KCNJ5: variants seen among roughly 807,000 people sequenced by gnomAD.
The protein encoded by KCNJ5 is G protein-activated inward rectifier potassium channel 4.
A neutral mutation model predicts 20.2 loss-of-function variants in KCNJ5; 12 were observed. The observed-to-expected ratio is 0.59, with a 90% CI of 0.38 to 0.96. KCNJ5 has a LOEUF of 0.96. Ranked by LOEUF, KCNJ5 falls within the 40% of genes least tolerant of loss-of-function variation. The pLI, the probability that KCNJ5 is intolerant of heterozygous loss-of-function variation, is 0.00. For missense variants in KCNJ5, 449 were observed against 557.6 expected, an observed-to-expected ratio of 0.81 and a Z score of 1.96; for synonymous variants, 210 against 213.9, an observed-to-expected ratio of 0.98 and a Z score of 0.16.
At chr11:128,894,838 AAC>A (rs1944147013) in intron 1 of KCNJ5, among the ~76,000 whole-genome samples, 1 of 152,232 alleles carries the variant, frequency 6.6e-6, no homozygotes, top group Non-Finnish European at 1.5e-5. Context: ...TATTCTAGTC[AAC>A]AGGGCCCAGG....
intron 1 of KCNJ5, among the ~76,000 whole-genome samples, chr11:128,897,256 C>A (rs1028295136): frequency 6.6e-6 from 1 of 152,008 alleles, no homozygotes; most frequent in Non-Finnish European, 1.5e-5. Context: ...TGCCACCATG[C>A]CTGGCTAATT....
intron 1 of KCNJ5, chr11:128,902,438 C>A: frequency 7.5e-7 from 1 of 1,333,390 alleles, no homozygotes. Flanking sequence ...GCACAGGGTG[C>A]CAGTTAGGGA....
chr11:128,907,721 C>T (rs1300813253), intron 1 of KCNJ5, among the ~76,000 whole-genome samples: 2 of 152,174 alleles, frequency 1.3e-5, no homozygotes, highest in African/African-American at 2.4e-5. Context: ...CTAGGATGCT[C>T]AGCTTACCTA....
intron 1 of KCNJ5, among the ~76,000 whole-genome samples, chr11:128,892,890 A>C (rs866298576): frequency 3.3e-5 from 5 of 152,214 alleles, no homozygotes; most frequent in African/African-American, 1.2e-4. Context: ...TCTGTTTTAT[A>C]GATGAGAGTA....
rs903412667 is a variant in KCNJ5 at position 128,902,858 on chromosome 11, G to A, written c.-10-8406G>A. The A allele has an allele frequency of 7.2e-5, 62 of 862,974 alleles. 2 individuals carry two copies. The South Asian group carries it at 8.7e-4, about 12-fold the overall frequency. 53.5% of individuals were successfully genotyped at this position (862,974 alleles called of 1,614,324 possible). A position where few individuals can be genotyped will look rare whatever the true frequency, so the allele number is the denominator to read the frequency against. On this transcript the variant is annotated intron_variant, in intron 1 of 2. Transcript: ENST00000529694. ...CTCCGACTCCCTAGCCCAGAAATAC[G>A]AACCGGCAGCTGACAGACTGAATCT...
Position 128,912,175 on chromosome 11 carries a change from T to A in KCNJ5, c.902T>A (p.Val301Asp), listed in dbSNP as rs1462481036. Residue 301 changes from valine (V) to aspartate (D), a missense_variant, in exon 2 of 3, where the codon GTT (valine) becomes GAT (aspartate). Around this residue, in one of 5 missense-constraint regions of KCNJ5, gnomAD observed 145 missense variants for 166.2 expected, o/e 0.87. Transcript: ENST00000529694. ...CAGCTGCATCAGGAAGAGTTTGAAG[T>A]TGTGGTCATTCTAGAAGGGATGGTG... ...QAQLHQEEFE[V>D]VVILEGMVEA... 1 of 1,606,844 alleles carries A rather than the reference T, an allele frequency of 6.2e-7. No homozygotes were observed. Among genetic ancestry groups the A allele is most frequent in the African/African-American group, 1.3e-5 (1 of 74,916 alleles).
chr11:128,893,445 AT>A (rs1463676197), intron 1 of KCNJ5, among the ~76,000 whole-genome samples: 1 of 152,158 alleles, frequency 6.6e-6, no homozygotes, highest in Non-Finnish European at 1.5e-5. Flanking sequence ...AAAAAAAGAA[AT>A]AAAAAAGAAA....
At chr11:128,898,414 A>T (rs1396663411) in intron 1 of KCNJ5, among the ~76,000 whole-genome samples, 1 of 152,184 alleles carries the variant, frequency 6.6e-6, no homozygotes, top group Non-Finnish European at 1.5e-5. Context: ...TCAGACCTTC[A>T]GTTCTCTTTC....
intron 1 of KCNJ5, among the ~76,000 whole-genome samples, chr11:128,895,686 C>A (rs531256731): frequency 6.6e-6 from 1 of 152,354 alleles, no homozygotes; most frequent in Admixed American, 6.5e-5. Context: ...TCTTCCACAC[C>A]GGGCCTGCCT....
Position 128,918,434 on chromosome 11 carries a change from G to C in KCNJ5, c.*1703G>C, listed in dbSNP as rs1944621456. 1 of 152,298 alleles carries C rather than the reference G, an allele frequency of 6.6e-6. No individual in the cohort carries two copies. Among genetic ancestry groups the C allele is most frequent in the South Asian group, 2.1e-4 (1 of 4,826 alleles). 9.4% of individuals were successfully genotyped at this position (152,298 alleles called of 1,614,324 possible). On this transcript the variant is annotated 3_prime_UTR_variant, in exon 3 of 3. Coordinates refer to ENST00000529694, the MANE Select transcript of KCNJ5 (RefSeq NM_000890.5). The stretch of plus-strand genomic sequence containing the variant: ...AGGGTGGAGGGGGGCAGATTGTCAG[G>C]TCCCGAAATGTGTGTTGACACACAC...
At position 128,891,433 on chromosome 11, in the gene KCNJ5, C is replaced by CAGAGAGAGAGAGAGAGAG. The variant is rs1286900771; in HGVS notation, c.-298_-297insGAGAGAGAGAGAGAGAGA. 5.7e-5 allele frequency: 5 copies of CAGAGAGAGAGAGAGAGAG among 88,390 alleles called. No individual in the cohort carries two copies. Among genetic ancestry groups the CAGAGAGAGAGAGAGAGAG allele is most frequent in the Admixed American group, 2.2e-4 (2 of 9,184 alleles). 5.5% of individuals were successfully genotyped at this position (88,390 alleles called of 1,614,324 possible). On this transcript the variant is annotated 5_prime_UTR_variant, in exon 1 of 3. Coordinates refer to ENST00000529694, the MANE Select transcript of KCNJ5 (RefSeq NM_000890.5). ...ACACACACACACACACACACACACA[C>CAGAGAGAGAGAGAGAGAG]ACACACACAGAGAGAGAGAGAGAGA...
intron 1 of KCNJ5, among the ~76,000 whole-genome samples, chr11:128,892,700 A>T (rs1423494000): frequency 6.6e-6 from 1 of 152,328 alleles, no homozygotes; most frequent in African/African-American, 2.4e-5. Flanking sequence ...TCTCTCCTAT[A>T]TCTGACTCCA....
chr11:128,917,871 C>G lies in KCNJ5; in HGVS notation c.*1140C>G. ...GAGATCGAGACCATCCTGGCTAACA[C>G]GGTGAAACCCCGTCTCTACTGAAAA... is the stretch of plus-strand genomic sequence containing the variant. On this transcript the variant is annotated 3_prime_UTR_variant, in exon 3 of 3. Coordinates refer to ENST00000529694, the MANE Select transcript of KCNJ5 (RefSeq NM_000890.5). 1 of 152,352 alleles carries G rather than the reference C, an allele frequency of 6.6e-6. No homozygotes were observed. Among genetic ancestry groups the G allele is most frequent in the South Asian group, 2.1e-4 (1 of 4,842 alleles). The allele number at this position is 152,352 out of a possible 1,614,324, so 9.4% of individuals were successfully genotyped here.
intron 1 of KCNJ5, chr11:128,902,848 C>G (rs1944313272): frequency 1.0e-6 from 1 of 955,040 alleles, no homozygotes; most frequent in Admixed American, 2.7e-5. Flanking sequence ...ACTCCCTAGC[C>G]CAGAAATACG....
rs753651100 is a variant in KCNJ5, at chr11:128,911,749, A to G, written c.476A>G (p.Glu159Gly). 1.9e-6 allele frequency: 3 copies of G among 1,614,198 alleles called. No homozygotes were observed. In the Admixed American group the frequency reaches 5.0e-5, roughly 27 times the overall value. Residue 159 changes from glutamate to glycine, a missense_variant, in exon 2 of 3, where the codon GAG (glutamate) becomes GGG (glycine). Glu to Gly is a moderately conservative substitution (Grantham distance 98). Transcript: ENST00000529694. The surrounding 1 kb of genome is among the most constrained non-coding windows in gnomAD (Gnocchi z 6.3). ...GGGTATGGCTTCCGAGTCATCACAG[A>G]GAAGTGTCCAGAGGGGATTATACTC... The part of the protein sequence containing the change: ...TIGYGFRVIT[E>G]KCPEGIILLL...
chr11:128,893,699 AG>A (rs11296838), intron 1 of KCNJ5, among the ~76,000 whole-genome samples: 127,689 of 151,540 alleles, frequency 0.84, 53,882 homozygotes, highest in Middle Eastern at 0.89. Flanking sequence ...GCCAAGGGTG[AG>A]GGGGGGGGTC....
Position 128,911,092 on chromosome 11 carries a change from A to G in KCNJ5, c.-10-172A>G. On this transcript the variant is annotated intron_variant, in intron 1 of 2. Transcript: ENST00000529694. The surrounding 1 kb of genome is among the most constrained non-coding windows in gnomAD (Gnocchi z 6.3). ...AGACTCTGTACTAGGCACCAGGGATACAAAAGAACCCTATAAGAGAGTGAG... is the reference window on the plus strand; with the variant it reads ...AGACTCTGTACTAGGCACCAGGGATGCAAAAGAACCCTATAAGAGAGTGAG... The G allele has an allele frequency of 1.6e-6, 1 of 624,764 alleles. No individual in the cohort carries two copies. The highest frequency in any genetic ancestry group is 1.9e-5 in the South Asian group (1 of 52,396). 38.7% of individuals were successfully genotyped at this position (624,764 alleles called of 1,614,324 possible).
chr11:128,904,321 G>T, intron 1 of KCNJ5: 5 of 1,479,832 alleles, frequency 3.4e-6, no homozygotes, highest in Non-Finnish European at 3.7e-6. Context: ...ACTGCACCCT[G>T]GCCTCTCTCT....
At position 128,912,228 on chromosome 11, in the gene KCNJ5, C is replaced by T; in HGVS notation, c.937+18C>T. ...AGCCACAGGTAAGGCGCTTTGTCCT[C>T]CTCAGCCACAGGTGGCCCTACCTAC... On this transcript the variant is annotated intron_variant, in intron 2 of 2. Coordinates refer to ENST00000529694, the MANE Select transcript of KCNJ5 (RefSeq NM_000890.5). 6.3e-7 allele frequency: 1 copy of T among 1,587,244 alleles called. No homozygotes were observed.
Sources: allele counts gnomAD v4.1 joint callset (sites outside exome capture counted in the v4.1 genomes callset), GRCh38; gene constraint gnomAD v4.1.1; regional missense constraint gnomAD v4.1.1; non-coding constraint Gnocchi (gnomAD v3.1); transcripts MANE v1.5; gene names NCBI Gene and HGNC (gene_info 2026-07-23, HGNC 2026-07-21).